BMP1: variants seen among roughly 807,000 people sequenced by gnomAD.
BMP1 encodes the protein bone morphogenetic protein 1.
BMP1 carries 63 observed loss-of-function variants against 116.8 expected under a neutral mutation model. The observed-to-expected ratio is 0.54, with a 90% CI of 0.44 to 0.67. The LOEUF (loss-of-function observed/expected upper bound fraction) is 0.67. Among genes scored for constraint, BMP1 ranks in the 30% least tolerant of loss-of-function variants. BMP1 has a pLI of 0.00. For synonymous variants in BMP1, 536 were observed against 533.4 expected (o/e 1.00, Z -0.07); for missense variants, 1,183 against 1,358.9 (o/e 0.87, Z 2.04).
rs747520920 is a variant in BMP1, at chr8:22,192,072, G to A, written c.1101G>A (p.Leu367=). Reference sequence around the variant, plus strand: ...AGATCATCCTGAACTTCACGTCCCTGGACCTGTACCGCAGCCGCCTGTGCT... The same window carrying A: ...AGATCATCCTGAACTTCACGTCCCTAGACCTGTACCGCAGCCGCCTGTGCT... ...GEKIILNFTS[L]DLYRSRLCWY... The change falls in exon 9 of 20, where the codon CTG becomes CTA. Residue 367 remains leucine (L), a synonymous_variant. Coordinates refer to ENST00000306385, the MANE Select transcript of BMP1 (RefSeq NM_006129.5). 2.5e-5 allele frequency: 41 copies of A among 1,613,828 alleles called. No homozygotes were observed. The highest frequency in any genetic ancestry group is 3.4e-5 in the Non-Finnish European group (40 of 1,179,858).
Position 22,179,639 on chromosome 8 carries a change from C to A in BMP1, c.837-66C>A. ...GTCGTGACTTGTGGGTACAGATGGG[C>A]ATGCCACCCACTCCCTGCCCACTGT... On this transcript the variant is annotated intron_variant, in intron 6 of 19. Transcript: ENST00000306385. The surrounding 1 kb of genome is among the most constrained non-coding windows in gnomAD (Gnocchi z 4.6). 1 of 1,606,866 alleles carries A rather than the reference C, an allele frequency of 6.2e-7. No individual in the cohort carries two copies. Among genetic ancestry groups the A allele is most frequent in the Non-Finnish European group, 8.5e-7 (1 of 1,176,002 alleles).
chr8:22,201,927 A>G lies in BMP1; in HGVS notation c.2232A>G (p.Glu744=). The G allele has an allele frequency of 6.2e-7, 1 of 1,611,840 alleles. No individual in the cohort carries two copies. The highest frequency in any genetic ancestry group is 8.5e-7 in the Non-Finnish European group (1 of 1,178,786). The stretch of plus-strand genomic sequence containing the variant: ...ATGACAACAAGCACGACTGCAAAGA[A>G]GGTACGGGCTGCATGCCAGGGGCAT... ...VLHDNKHDCK[E]AGCDHKVTST... The change falls in exon 16 of 20, where the codon GAA becomes GAG. Residue 744 remains glutamate, a splice_region_variant and synonymous_variant. Coordinates refer to ENST00000306385, the MANE Select transcript of BMP1 (RefSeq NM_006129.5).
intron 18 of BMP1, among the ~76,000 whole-genome samples, chr8:22,208,691 T>TG (rs1161278496): frequency 6.6e-6 from 1 of 152,208 alleles, no homozygotes; most frequent in East Asian, 1.9e-4. Context: ...TCCAGGGGGA[T>TG]GCCTTGAGTG....
In BMP1 at chr8:22,179,662, T is replaced by A; in HGVS notation, c.837-43T>A. On this transcript the variant is annotated intron_variant, in intron 6 of 19. Coordinates refer to ENST00000306385, the MANE Select transcript of BMP1 (RefSeq NM_006129.5). This position sits in a 1 kb window ranked among gnomAD's most constrained non-coding sequence, Gnocchi z 4.6. ...GGCATGCCACCCACTCCCTGCCCACTGTCCATGAGACGCTCACCCTTACTT... is the reference window on the plus strand; with the variant it reads ...GGCATGCCACCCACTCCCTGCCCACAGTCCATGAGACGCTCACCCTTACTT... 6.2e-7 allele frequency: 1 copy of A among 1,610,720 alleles called. No individual in the cohort carries two copies. The highest frequency in any genetic ancestry group is 8.5e-7 in the Non-Finnish European group (1 of 1,178,080).
At chr8:22,199,173 C>T in intron 15 of BMP1, 1 of 1,367,632 alleles carries the variant, frequency 7.3e-7, no homozygotes, top group Non-Finnish European at 9.8e-7. Flanking sequence ...ACACACATTG[C>T]CCCATCGCAC....
intron 8 of BMP1, 128 bp from the exon 9 acceptor site, chr8:22,191,921 G>T (rs1828942120): frequency 1.4e-6 from 1 of 719,234 alleles, no homozygotes. Context: ...AGCTCCTTTT[G>T]GGAGCCCCTT....
In BMP1 at chr8:22,176,133, C is replaced by T. The variant is rs748368579; in HGVS notation, c.263-10C>T. On this transcript the variant is annotated splice_polypyrimidine_tract_variant and intron_variant, in intron 2 of 19. Transcript: ENST00000306385. ...CTCCACTCACTAGTCACCATGACTT[C>T]CTCTCTCAGTTCCAGGAAACACTTC... 9.3e-6 allele frequency: 15 copies of T among 1,613,674 alleles called. No homozygotes were observed. The highest frequency in any genetic ancestry group is 1.2e-5 in the Non-Finnish European group (14 of 1,179,860).
chr8:22,184,968 T>A (rs1828724476), intron 8 of BMP1, among the ~76,000 whole-genome samples: 1 of 152,238 alleles, frequency 6.6e-6, no homozygotes, highest in Admixed American at 6.5e-5. Flanking sequence ...GAAATGTGAA[T>A]GATAGGTAAA....
intron 8 of BMP1, among the ~76,000 whole-genome samples, chr8:22,190,382 G>A (rs1009603880): frequency 2.0e-5 from 3 of 152,240 alleles, no homozygotes; most frequent in Non-Finnish European, 4.4e-5. Context: ...TGGGTAAGGA[G>A]AGAGAGTAGA....
chr8:22,177,285 C>A, intron 5 of BMP1, 146 bp downstream of exon 5: 1 of 869,484 alleles, frequency 1.2e-6, no homozygotes, highest in Non-Finnish European at 1.8e-6. Flanking sequence ...GTTGAGCCAG[C>A]CCCTGCCCTT....
intron 19 of BMP1, 115 bp downstream of exon 19, chr8:22,209,810 T>C: frequency 1.7e-6 from 2 of 1,205,700 alleles, no homozygotes; most frequent in East Asian, 4.8e-5. Context: ...GGAAGTTGAG[T>C]GCAGCACGCG....
intron 2 of BMP1, among the ~76,000 whole-genome samples, chr8:22,175,706 A>G (rs1828410406): frequency 6.6e-6 from 1 of 152,182 alleles, no homozygotes; most frequent in Admixed American, 6.5e-5. Flanking sequence ...TAGCACACGT[A>G]TGTTCTCTGT....
intron 2 of BMP1, among the ~76,000 whole-genome samples, chr8:22,175,595 A>C (rs1167373579): frequency 3.3e-5 from 5 of 152,132 alleles, no homozygotes; most frequent in South Asian, 2.1e-4. Context: ...TTGTTTTATG[A>C]GTGTTTCTTT....
At position 22,179,956 on chromosome 8, in the gene BMP1, G is replaced by T; in HGVS notation, c.961+127G>T. 1.8e-6 allele frequency: 2 copies of T among 1,103,084 alleles called. No homozygotes were observed. The highest frequency in any genetic ancestry group is 2.5e-6 in the Non-Finnish European group (2 of 786,740). 68.3% of individuals were successfully genotyped at this position (1,103,084 alleles called of 1,614,324 possible). On this transcript the variant is annotated intron_variant, in intron 7 of 19. Coordinates refer to ENST00000306385, the MANE Select transcript of BMP1 (RefSeq NM_006129.5). The surrounding 1 kb of genome is among the most constrained non-coding windows in gnomAD (Gnocchi z 4.6). ...TAGAGAATGGTGTGGCGGGGGAGGGGACCCCATAGGAGGGGCAGTGTCCAA... is the reference window on the plus strand; with the variant it reads ...TAGAGAATGGTGTGGCGGGGGAGGGTACCCCATAGGAGGGGCAGTGTCCAA...
At chr8:22,195,009 G>A (rs1405507330) in intron 12 of BMP1, 90 bp downstream of exon 12, 8 of 1,382,338 alleles carry the variant, frequency 5.8e-6, no homozygotes, top group Admixed American at 2.2e-5. Context: ...GACTCCAGGA[G>A]GCATATTGAT....
intron 8 of BMP1, among the ~76,000 whole-genome samples, chr8:22,187,719 C>G (rs1053630025): frequency 6.6e-6 from 1 of 152,048 alleles, no homozygotes; most frequent in South Asian, 2.1e-4. Flanking sequence ...CTCTCTAATT[C>G]CAGGATTCTA....
intron 16 of BMP1, among the ~76,000 whole-genome samples, chr8:22,203,150 G>A: frequency 6.6e-6 from 1 of 152,216 alleles, no homozygotes; most frequent in Non-Finnish European, 1.5e-5. Context: ...CCTGCTGGGT[G>A]TGTCCAATCC....
chr8:22,177,182 G>T (rs569744473), intron 5 of BMP1, 43 bp downstream of exon 5: 58 of 1,523,712 alleles, frequency 3.8e-5, no homozygotes, highest in Non-Finnish European at 4.9e-5. Flanking sequence ...GGCGGCTCCC[G>T]CCCCAGCCCC....
chr8:22,203,513 TGCCATTG>T (rs1829300343), intron 16 of BMP1, among the ~76,000 whole-genome samples: 1 of 152,068 alleles, frequency 6.6e-6, no homozygotes. Flanking sequence ...GCCGAGATCA[TGCCATTG>T]CACTCCAGCC....
Sources: allele counts gnomAD v4.1 joint callset (sites outside exome capture counted in the v4.1 genomes callset), GRCh38; gene constraint gnomAD v4.1.1; non-coding constraint Gnocchi (gnomAD v3.1); transcripts MANE v1.5; gene names NCBI Gene and HGNC (gene_info 2026-07-23, HGNC 2026-07-21).